PRDM16: variants seen among roughly 807,000 people sequenced by gnomAD.
The protein encoded by PRDM16 is histone-lysine N-methyltransferase PRDM16.
Under a neutral mutation model 110.6 loss-of-function variants are expected in PRDM16, and 23 were observed. That is an observed-to-expected ratio of 0.21 (90% CI 0.15 to 0.29). The LOEUF (loss-of-function observed/expected upper bound fraction) is 0.29. Ranked by LOEUF, PRDM16 falls within the 10% of genes least tolerant of loss-of-function variation. PRDM16 has a pLI of 1.00. For synonymous variants in PRDM16, 799 were observed against 781.8 expected (o/e 1.02, Z -0.37); for missense variants, 1,615 against 1,794.3 (o/e 0.90, Z 1.81).
rs1319226072 is a variant in PRDM16, at chr1:3,080,637, G to A, written c.37+11341G>A. ...GGCTGACAATCCATTTTGCAAAAACGGGAGGCCCGGGCCCCTAAGCTTGCA... is the reference window on the plus strand; with the variant it reads ...GGCTGACAATCCATTTTGCAAAAACAGGAGGCCCGGGCCCCTAAGCTTGCA... On this transcript the variant is annotated intron_variant, in intron 1 of 16. Coordinates refer to ENST00000270722, the MANE Select transcript of PRDM16 (RefSeq NM_022114.4). This position sits in a 1 kb window ranked among gnomAD's most constrained non-coding sequence, Gnocchi z 5.2. 3.9e-5 allele frequency among the ~76,000 whole-genome samples: 6 copies of A among 152,206 alleles called. No individual in the cohort carries two copies. The highest frequency in any genetic ancestry group is 1.2e-4 in the African/African-American group (5 of 41,548).
chr1:3,127,187 A>G (rs1253804246), intron 1 of PRDM16, among the ~76,000 whole-genome samples: 4 of 152,246 alleles, frequency 2.6e-5, no homozygotes, highest in Non-Finnish European at 5.9e-5. Flanking sequence ...CTTTCTAAAG[A>G]CAAATCTTTG....
intron 2 of PRDM16, among the ~76,000 whole-genome samples, chr1:3,193,817 A>G (rs1266479815): frequency 6.6e-6 from 1 of 152,224 alleles, no homozygotes; most frequent in East Asian, 1.9e-4. Context: ...CTGAGGGCAG[A>G]GGCTGGGGGC....
intron 16 of PRDM16, among the ~76,000 whole-genome samples, chr1:3,433,393 A>G (rs2100707052): frequency 6.6e-6 from 1 of 152,300 alleles, no homozygotes; most frequent in East Asian, 1.9e-4. Flanking sequence ...GAGGCTGGGA[A>G]CGGACGAGGC....
intron 1 of PRDM16, among the ~76,000 whole-genome samples, chr1:3,181,813 TAC>T (rs1557510565): frequency 2.3e-5 from 2 of 88,630 alleles, no homozygotes; most frequent in Admixed American, 2.6e-4. Context: ...CACACGGTCT[TAC>T]ACATGCGGTC....
At chr1:3,257,245 C>T (rs1640071825) in intron 3 of PRDM16, among the ~76,000 whole-genome samples, 1 of 152,192 alleles carries the variant, frequency 6.6e-6, no homozygotes. Flanking sequence ...GTGCCACTGG[C>T]ACAGCTGACC....
intron 1 of PRDM16, among the ~76,000 whole-genome samples, chr1:3,178,712 A>G (rs2100774177): frequency 6.6e-6 from 1 of 152,112 alleles, no homozygotes. Context: ...CCCACTTCCC[A>G]AACTCGAGGG....
At position 3,181,346 on chromosome 1, in the gene PRDM16, ACGGTCTTACACACGGTCTTACACACG is replaced by A. The variant is rs1557508813; in HGVS notation, c.38-4777_38-4752del. On this transcript the variant is annotated intron_variant, in intron 1 of 16. Coordinates refer to ENST00000270722, the MANE Select transcript of PRDM16 (RefSeq NM_022114.4). ...CAATCTTACACAAGCAGTCTTACAC[ACGGTCTTACACACGGTCTTACACACG>A]CAGTCTTACACACGGCCTTACGCAT... is the stretch of plus-strand genomic sequence containing the variant. Among the ~76,000 whole-genome samples the A allele has an allele frequency of 4.7e-3, 457 of 96,864 alleles. 11 individuals carry two copies. Among genetic ancestry groups the A allele is most frequent in the Middle Eastern group, 0.014 (2 of 142 alleles). The allele number at this position is 96,864 out of a possible 152,430, so 63.5% of individuals were successfully genotyped here. A position where few individuals can be genotyped will look rare whatever the true frequency, so the allele number is the denominator to read the frequency against.
intron 2 of PRDM16, among the ~76,000 whole-genome samples, chr1:3,221,695 A>G (rs903564424): frequency 1.3e-5 from 2 of 152,204 alleles, no homozygotes; most frequent in African/African-American, 2.4e-5. Context: ...TGGGACACAC[A>G]TGGATGCCCC....
chr1:3,073,999 G>A (rs965537366), intron 1 of PRDM16, among the ~76,000 whole-genome samples: 2 of 152,176 alleles, frequency 1.3e-5, no homozygotes, highest in Admixed American at 6.5e-5. Flanking sequence ...ACGCGGGAGC[G>A]CGCGCCGCCT....
At chr1:3,294,594 C>T (rs1357817416) in intron 3 of PRDM16, among the ~76,000 whole-genome samples, 3 of 152,130 alleles carry the variant, frequency 2.0e-5, no homozygotes, top group African/African-American at 4.8e-5. Flanking sequence ...GGAACATCCC[C>T]GGAGCAGCCC....
intron 2 of PRDM16, among the ~76,000 whole-genome samples, chr1:3,197,003 G>T (rs1338452619): frequency 6.6e-6 from 1 of 152,164 alleles, no homozygotes; most frequent in Non-Finnish European, 1.5e-5. Flanking sequence ...AGGCTGGGGG[G>T]TGAGCTTCAC....
At chr1:3,146,352 C>T (rs941408235) in intron 1 of PRDM16, among the ~76,000 whole-genome samples, 53 of 152,268 alleles carry the variant, frequency 3.5e-4, no homozygotes, top group African/African-American at 1.2e-3. Context: ...AAACCGTTCA[C>T]AAATCCAACC....
chr1:3,356,020 G>A (rs1642589564), intron 3 of PRDM16, among the ~76,000 whole-genome samples: 1 of 152,066 alleles, frequency 6.6e-6, no homozygotes, highest in African/African-American at 2.4e-5. Context: ...TTGACAGAGG[G>A]GCCCCTCCGT....
At chr1:3,144,145 G>A (rs1335612241) in intron 1 of PRDM16, among the ~76,000 whole-genome samples, 3 of 152,184 alleles carry the variant, frequency 2.0e-5, no homozygotes, top group Non-Finnish European at 1.5e-5. Context: ...AGCACTATGG[G>A]AGGGACAACT....
chr1:3,154,966 C>T (rs1643836036), intron 1 of PRDM16, among the ~76,000 whole-genome samples: 1 of 152,250 alleles, frequency 6.6e-6, no homozygotes. Flanking sequence ...TGTGAACCGA[C>T]CCCGCCATCC....
rs34485545 is a variant in PRDM16 at position 3,435,597 on chromosome 1, TAAAA to T, written c.*1792_*1795del. ...GAAAAAAAATGCCCAAGTTGCCCTTTAAAAAAAAAGAGCGTAAATACAAACAGGA... is the reference window on the plus strand; with the variant it reads ...GAAAAAAAATGCCCAAGTTGCCCTTTAAAAAGAGCGTAAATACAAACAGGA... On this transcript the variant is annotated 3_prime_UTR_variant, in exon 17 of 17. Transcript: ENST00000270722. 3.1e-5 allele frequency: 7 copies of T among 227,264 alleles called. No individual in the cohort carries two copies. Among genetic ancestry groups the T allele is most frequent in the Admixed American group, 1.7e-4 (3 of 17,490 alleles). The allele number at this position is 227,264 out of a possible 1,614,324, so 14.1% of individuals were successfully genotyped here.
chr1:3,166,737 A>AG (rs1643961426), intron 1 of PRDM16, among the ~76,000 whole-genome samples: 1 of 152,174 alleles, frequency 6.6e-6, no homozygotes, highest in African/African-American at 2.4e-5. Context: ...GGCCCGGCCC[A>AG]GGTGGGGAGA....
rs547602678 is a variant in PRDM16 at position 3,255,601 on chromosome 1, C to T, written c.438+11464C>T. On this transcript the variant is annotated intron_variant, in intron 3 of 16. Transcript: ENST00000270722. This position sits in a 1 kb window ranked among gnomAD's most constrained non-coding sequence, Gnocchi z 4.7. ...TAACTCTGTGGCTCGAAACAGCACACGGTGCCCCTCCTTATCGCATTCAAC... is the reference window on the plus strand; with the variant it reads ...TAACTCTGTGGCTCGAAACAGCACATGGTGCCCCTCCTTATCGCATTCAAC... Among the ~76,000 whole-genome samples, 49 of 152,318 alleles carry T rather than the reference C, an allele frequency of 3.2e-4. No individual in the cohort carries two copies. Among genetic ancestry groups the T allele is most frequent in the Middle Eastern group, 3.4e-3 (1 of 294 alleles).
At chr1:3,405,380 G>A (rs369196369) in intron 7 of PRDM16, 115 bp from the exon 8 acceptor site, 48 of 1,235,640 alleles carry the variant, frequency 3.9e-5, no homozygotes, top group Middle Eastern at 2.9e-4. Context: ...AGACTGCAAC[G>A]TGGCAAGAGA....
Sources: gnomAD v4.1 joint callset for allele counts (sites outside exome capture counted in the v4.1 genomes callset) on GRCh38, gnomAD v4.1.1 for gene constraint, Gnocchi (gnomAD v3.1) non-coding constraint, MANE v1.5 for transcripts, NCBI Gene and HGNC (gene_info 2026-07-23, HGNC 2026-07-21) for gene names.